The following LINGO2 variants were observed in gnomAD, a reference collection of about 807,000 sequenced individuals.
LINGO2 encodes the protein leucine-rich repeat and immunoglobulin-like domain-containing nogo receptor-interacting protein 2.
A neutral mutation model predicts 30.6 loss-of-function variants in LINGO2; 14 were observed. The ratio of observed to expected loss-of-function variants is 0.46; its 90% confidence interval spans 0.30 to 0.72. The LOEUF is 0.72. Ranked by LOEUF, LINGO2 falls within the 30% of genes least tolerant of loss-of-function variation. The pLI is 0.07. For missense variants in LINGO2, 729 were observed against 751.7 expected, an observed-to-expected ratio of 0.97 and a Z score of 0.35; for synonymous variants, 317 against 288.5, an observed-to-expected ratio of 1.10 and a Z score of -1.00.
chr9:28,622,721 C>T (rs111359754), intron 1 of LINGO2, among the ~76,000 whole-genome samples: 4,200 of 143,340 alleles, frequency 0.029, 130 homozygotes, highest in African/African-American at 0.075. Flanking sequence ...GATCATATGG[C>T]AGCTCTATTT....
chr9:28,527,898 C>G (rs1035767083), intron 1 of LINGO2, among the ~76,000 whole-genome samples: 2 of 152,102 alleles, frequency 1.3e-5, no homozygotes, highest in Admixed American at 6.5e-5. Context: ...AACAAAAGAT[C>G]TTATATAGGG....
chr9:28,748,373 C>T, the LINGO2 span, among the ~76,000 whole-genome samples: 1 of 119,720 alleles, frequency 8.4e-6, no homozygotes, highest in Non-Finnish European at 1.7e-5. Context: ...ATTTATTTTA[C>T]TAATTTCTGC....
At chr9:29,068,124 G>A in the LINGO2 span, among the ~76,000 whole-genome samples, 1 of 151,734 alleles carries the variant, frequency 6.6e-6, no homozygotes, top group Non-Finnish European at 1.5e-5. Context: ...GGGAAAATAT[G>A]AACAAAGCCT....
At position 28,129,259 on chromosome 9, in the gene LINGO2, T is replaced by C. The variant is rs1367769948; in HGVS notation, c.-86-116854A>G. Among the ~76,000 whole-genome samples, 1 of 152,170 alleles carries C rather than the reference T, an allele frequency of 6.6e-6. No homozygotes were observed. ...GGTAATCGTGGGAGTCAATTCTCCTTAATAAACTCCTTTTGGTATATACAT... is the reference window on the plus strand; with the variant it reads ...GGTAATCGTGGGAGTCAATTCTCCTCAATAAACTCCTTTTGGTATATACAT... On this transcript the variant is annotated intron_variant, in intron 4 of 5. Coordinates refer to ENST00000379992, the Ensembl canonical transcript of LINGO2. The surrounding 1 kb of genome is among the most constrained non-coding windows in gnomAD (Gnocchi z 4.0).
intron 3 of LINGO2, among the ~76,000 whole-genome samples, chr9:28,352,013 A>C (rs1405456410): frequency 6.6e-6 from 1 of 151,412 alleles, no homozygotes; most frequent in African/African-American, 2.4e-5. Flanking sequence ...AAATAATAAG[A>C]GCTATCTATG....
intron 4 of LINGO2, among the ~76,000 whole-genome samples, chr9:28,209,273 G>A (rs1049871700): frequency 3.3e-5 from 5 of 151,898 alleles, no homozygotes; most frequent in African/African-American, 1.2e-4. Flanking sequence ...TATATATGAG[G>A]CCTAGGTTAA....
chr9:28,323,643 A>G (rs1825125503), intron 3 of LINGO2, among the ~76,000 whole-genome samples: 1 of 152,106 alleles, frequency 6.6e-6, no homozygotes, highest in Non-Finnish European at 1.5e-5. Flanking sequence ...GATCCAAAAT[A>G]GTCTCAAAAT....
chr9:28,151,490 A>T (rs1827999430), intron 4 of LINGO2, among the ~76,000 whole-genome samples: 1 of 151,888 alleles, frequency 6.6e-6, no homozygotes, highest in Admixed American at 6.5e-5. Flanking sequence ...ATTGAATGGT[A>T]ATATTTTAGA....
At chr9:28,119,329 G>A (rs972609778) in intron 4 of LINGO2, among the ~76,000 whole-genome samples, 22 of 152,244 alleles carry the variant, frequency 1.4e-4, no homozygotes, top group Admixed American at 1.2e-3. Flanking sequence ...GTTTCACCAC[G>A]TTCTCCAGAA....
chr9:28,274,204 T>C (rs1823039052), intron 4 of LINGO2, among the ~76,000 whole-genome samples: 1 of 152,202 alleles, frequency 6.6e-6, no homozygotes, highest in Admixed American at 6.5e-5. Flanking sequence ...TAATGTTTCC[T>C]GGTGACAAAT....
the LINGO2 span, among the ~76,000 whole-genome samples, chr9:29,065,098 C>T: frequency 6.6e-6 from 1 of 152,036 alleles, no homozygotes; most frequent in Non-Finnish European, 1.5e-5. Context: ...GGGAATTTAG[C>T]CCTAAGATAC....
At chr9:28,617,169 A>C (rs953162704) in intron 1 of LINGO2, among the ~76,000 whole-genome samples, 2 of 152,128 alleles carry the variant, frequency 1.3e-5, no homozygotes, top group African/African-American at 4.8e-5. Flanking sequence ...ATCTTTTCAC[A>C]CCTTTCCTAA....
At chr9:29,084,552 A>C in the LINGO2 span, among the ~76,000 whole-genome samples, 2 of 152,188 alleles carry the variant, frequency 1.3e-5, no homozygotes, top group East Asian at 3.9e-4. Context: ...GCTTCAAAAC[A>C]ATCATTCAGG....
the LINGO2 span, among the ~76,000 whole-genome samples, chr9:28,860,333 A>G: frequency 1.3e-5 from 2 of 152,104 alleles, no homozygotes; most frequent in African/African-American, 4.8e-5. Flanking sequence ...GAAATAAAAC[A>G]GATTTCCCTC....
chr9:29,025,281 T>C, the LINGO2 span, among the ~76,000 whole-genome samples: 2 of 152,166 alleles, frequency 1.3e-5, no homozygotes, highest in Non-Finnish European at 2.9e-5. Flanking sequence ...GTGCATGTTA[T>C]AGCTTTTCTT....
In LINGO2 at chr9:28,499,663, C is replaced by T. The variant is rs78480618; in HGVS notation, c.-364-23638G>A. On this transcript the variant is annotated intron_variant, in intron 1 of 5. Coordinates refer to ENST00000379992, the Ensembl canonical transcript of LINGO2. ...GGATACACTTCTGAAAATTAAACAA[C>T]GTAACATACATAAAATCACATAGCA... Among the ~76,000 whole-genome samples, 827 of 152,246 alleles carry T rather than the reference C, an allele frequency of 5.4e-3. 40 individuals are homozygous for T. The East Asian group carries it at 0.093, about 17-fold the overall frequency.
intron 1 of LINGO2, among the ~76,000 whole-genome samples, chr9:28,489,602 T>C (rs1446547538): frequency 6.6e-6 from 1 of 151,744 alleles, no homozygotes; most frequent in Non-Finnish European, 1.5e-5. Flanking sequence ...AAAGCTGAGG[T>C]TTAGGAAGAT....
At chr9:28,226,640 AAGG>A (rs1208309271) in intron 4 of LINGO2, among the ~76,000 whole-genome samples, 1 of 52,274 alleles carries the variant, frequency 1.9e-5, no homozygotes, top group Non-Finnish European at 4.3e-5. Flanking sequence ...AGAAGGAAAG[AAGG>A]AAAGAAAGAA....
chr9:29,150,409 T>C, the LINGO2 span, among the ~76,000 whole-genome samples: 1 of 152,194 alleles, frequency 6.6e-6, no homozygotes, highest in Non-Finnish European at 1.5e-5. Context: ...TCTATAATAA[T>C]GGTTCTTAAC....
Sources: gnomAD v4.1 joint callset for allele counts (sites outside exome capture counted in the v4.1 genomes callset) on GRCh38, gnomAD v4.1.1 for gene constraint, Gnocchi (gnomAD v3.1) non-coding constraint, MANE v1.5 for transcripts, NCBI Gene and HGNC (gene_info 2026-07-23, HGNC 2026-07-21) for gene names.